ANKRD36: variants seen among roughly 807,000 people sequenced by gnomAD.
ANKRD36 encodes the protein ankyrin repeat domain 36.
ANKRD36 carries 179 observed loss-of-function variants against 278.1 expected under a neutral mutation model. That is an observed-to-expected ratio of 0.64 (90% CI 0.57 to 0.73). The LOEUF is 0.73. ANKRD36 is among the 30% of genes least tolerant of loss of function. ANKRD36 has a pLI of 0.00. For missense variants in ANKRD36, 1,159 were observed against 1,956.7 expected (o/e 0.59, Z 7.69); for synonymous variants, 320 against 641.1 (o/e 0.50, Z 7.57).
intron 62 of ANKRD36, chr2:97,215,795 TC>T (rs1307068080): frequency 1.5e-6 from 1 of 653,836 alleles, no homozygotes; most frequent in African/African-American, 1.8e-5. Context: ...ACAGCAAGTT[TC>T]CATCAAGAGG....
chr2:97,193,224 C>T (rs1183395572), intron 38 of ANKRD36, among the ~76,000 whole-genome samples, 171 bp downstream of exon 38: 1 of 144,458 alleles, frequency 6.9e-6, no homozygotes, highest in African/African-American at 2.5e-5. Flanking sequence ...TGGTCTGGAA[C>T]ATGATCTTCG....
At chr2:97,180,949 T>C (rs1460289244) in intron 24 of ANKRD36, among the ~76,000 whole-genome samples, 1 of 151,800 alleles carries the variant, frequency 6.6e-6, no homozygotes, top group East Asian at 1.9e-4. Flanking sequence ...TTATCGTTTG[T>C]TGCCATGAGC....
In ANKRD36 at chr2:97,216,790, T is replaced by C. The variant is rs1364638220; in HGVS notation, c.3674-387T>C. On this transcript the variant is annotated intron_variant, in intron 62 of 75. Transcript: ENST00000420699. ...TGTAGTATAATGGTGTAAATCCTTT[T>C]GATTTCTTGCATGAAAGACCTGTGG... The C allele has an allele frequency of 1.7e-5, 8 of 463,050 alleles. No individual in the cohort carries two copies. In the East Asian group the frequency reaches 4.2e-4, roughly 24 times the overall value. The allele number at this position is 463,050 out of a possible 1,614,324, so 28.7% of individuals were successfully genotyped here. A position where few individuals can be genotyped will look rare whatever the true frequency, so the allele number is the denominator to read the frequency against.
chr2:97,193,554 T>C (rs2059006383), intron 38 of ANKRD36, among the ~76,000 whole-genome samples: 1 of 145,850 alleles, frequency 6.9e-6, no homozygotes, highest in Non-Finnish European at 1.5e-5. Flanking sequence ...ATTTATATAA[T>C]TTTGGGGTTT....
rs971594700 is a variant in ANKRD36 at position 97,113,365 on chromosome 2, CGAGCGTCGGGAGCCTGTGGAAGAGAA to C, written c.-369_-344del. ...GCAGAGGGCCCAGCGCGGGGGACTC[CGAGCGTCGGGAGCCTGTGGAAGAGAA>C]GAGCGCGCGGGCGACAGTTAAACAG... is the stretch of plus-strand genomic sequence containing the variant. On this transcript the variant is annotated 5_prime_UTR_variant, in exon 1 of 76. Transcript: ENST00000420699. 1 of 286,608 alleles carries C rather than the reference CGAGCGTCGGGAGCCTGTGGAAGAGAA, an allele frequency of 3.5e-6. No individual in the cohort carries two copies. The highest frequency in any genetic ancestry group is 2.3e-5 in the African/African-American group (1 of 43,204). 17.8% of individuals were successfully genotyped at this position (286,608 alleles called of 1,614,324 possible). A position where few individuals can be genotyped will look rare whatever the true frequency, so the allele number is the denominator to read the frequency against.
At chr2:97,210,279 G>T (rs2064074460) in intron 56 of ANKRD36, among the ~76,000 whole-genome samples, 1 of 151,788 alleles carries the variant, frequency 6.6e-6, no homozygotes, top group Non-Finnish European at 1.5e-5. Context: ...TACAGTGTAG[G>T]AGAACTAAGG....
intron 54 of ANKRD36, 71 bp from the exon 55 acceptor site, chr2:97,209,610 C>A: frequency 6.4e-7 from 1 of 1,572,824 alleles, no homozygotes; most frequent in South Asian, 1.1e-5. Flanking sequence ...TTGATGCTAA[C>A]ACTGTGTGAA....
intron 52 of ANKRD36, 126 bp from the exon 53 acceptor site, chr2:97,207,682 AAGT>A: frequency 7.0e-7 from 1 of 1,425,058 alleles, no homozygotes; most frequent in South Asian, 1.2e-5. Context: ...CCCAGACACA[AAGT>A]AGAAGCCATC....
Position 97,204,614 on chromosome 2 carries a change from C to T in ANKRD36, c.3061+351C>T, listed in dbSNP as rs1386030497. 2.0e-5 allele frequency among the ~76,000 whole-genome samples: 3 copies of T among 151,504 alleles called. No homozygotes were observed. The South Asian group carries it at 6.3e-4, about 32-fold the overall frequency. The stretch of plus-strand genomic sequence containing the variant: ...GAAGTATAGAATTAACACACTTCAG[C>T]TCGCACTGCCAAGAAAAGACAGAAA... On this transcript the variant is annotated intron_variant, in intron 50 of 75. Coordinates refer to ENST00000420699, the MANE Select transcript of ANKRD36 (RefSeq NM_001354587.1).
chr2:97,131,812 T>C (rs1433397873), intron 6 of ANKRD36, among the ~76,000 whole-genome samples: 2 of 151,864 alleles, frequency 1.3e-5, no homozygotes, highest in African/African-American at 2.4e-5. Context: ...TGCAAATTAT[T>C]TTATGTATGT....
intron 36 of ANKRD36, 92 bp from the exon 37 acceptor site, chr2:97,192,766 G>T (rs865838910): frequency 6.8e-7 from 1 of 1,474,310 alleles, no homozygotes; most frequent in Middle Eastern, 2.4e-4. Flanking sequence ...ATACAGGCAG[G>T]AGAACAGAGG....
At chr2:97,220,566 G>A (rs1404168018) in intron 66 of ANKRD36, among the ~76,000 whole-genome samples, 1 of 151,412 alleles carries the variant, frequency 6.6e-6, no homozygotes, top group Non-Finnish European at 1.5e-5. Context: ...GCGAATGAGA[G>A]GATCTTATTC....
Position 97,133,927 on chromosome 2 carries a change from A to G in ANKRD36, c.799+6793A>G, listed in dbSNP as rs58023687. 3.7e-3 allele frequency among the ~76,000 whole-genome samples: 559 copies of G among 152,126 alleles called. 2 individuals carry two copies. In the East Asian group the frequency reaches 0.057, roughly 15 times the overall value. On this transcript the variant is annotated intron_variant, in intron 6 of 75. Transcript: ENST00000420699. ...GAGAAGCTTACATTGTTGCATCATA[A>G]TAATCACCCAAAGTCCATAGTTTAT...
intron 75 of ANKRD36, among the ~76,000 whole-genome samples, chr2:97,260,379 T>TATAC (rs1315601255): frequency 0.04 from 4,768 of 120,112 alleles, 143 homozygotes; most frequent in African/African-American, 0.14. Flanking sequence ...TATATATATA[T>TATAC]ACACACATAT....
chr2:97,164,101 A>G, intron 18 of ANKRD36, 182 bp from the exon 19 acceptor site: 3 of 985,364 alleles, frequency 3.0e-6, no homozygotes, highest in Non-Finnish European at 3.6e-6. Flanking sequence ...GTGATTTTTC[A>G]TGTGTATATT....
Position 97,145,020 on chromosome 2 carries a change from G to A in ANKRD36, c.1003+308G>A, listed in dbSNP as rs148111532. Among the ~76,000 whole-genome samples, 428 of 152,066 alleles carry A rather than the reference G, an allele frequency of 2.8e-3. 2 individuals carry two copies. The highest frequency in any genetic ancestry group is 9.9e-3 in the African/African-American group (412 of 41,544). ...TTCTACAGCATGTCTCCATGAAGAG[G>A]GGAAGGAGAACAAGATGAAGTACTA... On this transcript the variant is annotated intron_variant, in intron 10 of 75. Coordinates refer to ENST00000420699, the MANE Select transcript of ANKRD36 (RefSeq NM_001354587.1).
chr2:97,205,873 G>C (rs2153610750), intron 50 of ANKRD36, 67 bp from the exon 51 acceptor site: 1 of 1,492,066 alleles, frequency 6.7e-7, no homozygotes, highest in Non-Finnish European at 9.0e-7. Context: ...TGCTAACTCT[G>C]CTTGAATGTA....
At chr2:97,208,790 T>C (rs1394203917) in intron 54 of ANKRD36, among the ~76,000 whole-genome samples, 1 of 146,684 alleles carries the variant, frequency 6.8e-6, no homozygotes, top group East Asian at 2.0e-4. Context: ...AGCTATTTAA[T>C]GTAACTTCTT....
At chr2:97,173,376 G>A (rs1277072220) in intron 22 of ANKRD36, among the ~76,000 whole-genome samples, 1 of 151,818 alleles carries the variant, frequency 6.6e-6, no homozygotes, top group South Asian at 2.1e-4. Context: ...GAGACAAAAT[G>A]AGAGATGATA....
Sources: gnomAD v4.1 joint callset for allele counts (sites outside exome capture counted in the v4.1 genomes callset) on GRCh38, gnomAD v4.1.1 for gene constraint, MANE v1.5 for transcripts, NCBI Gene and HGNC (gene_info 2026-07-23, HGNC 2026-07-21) for gene names.